Variants in FN3KRP observed in about 807,000 individuals in gnomAD.
FN3KRP encodes fructosamine 3 kinase related protein.
In FN3KRP, 33 loss-of-function variants were observed where a neutral mutation model predicts 29.8. The observed-to-expected ratio is 1.11, with a 90% confidence interval of 0.84 to 1.48. The LOEUF (loss-of-function observed/expected upper bound fraction) is 1.48. FN3KRP is among the 40% of genes most tolerant of loss of function. The probability of loss-of-function intolerance (pLI) is 0.00; values close to 1 mark genes in which losing one functional copy is unlikely to be tolerated. For missense variants in FN3KRP, 430 were observed against 402.6 expected (o/e 1.07, Z -0.58); for synonymous variants, 157 against 155.2 (o/e 1.01, Z -0.09).
Position 82,719,134 on chromosome 17 carries a change from G to A in FN3KRP, c.293+77G>A, listed in dbSNP as rs1017290662. 15 of 1,299,432 alleles carry A rather than the reference G, an allele frequency of 1.2e-5. No homozygotes were observed. In the South Asian group the frequency reaches 1.7e-4, roughly 15 times the overall value. The allele number at this position is 1,299,432 out of a possible 1,614,324, so 80.5% of individuals were successfully genotyped here. On this transcript the variant is annotated intron_variant, in intron 2 of 5. Transcript: ENST00000269373. ...CTTCACACCTTGTTTTATTATGTGT[G>A]TCTTCACACCACCCACTGGCTGGCT...
In FN3KRP at chr17:82,727,002, G is replaced by C. The variant is rs751950406; in HGVS notation, c.761G>C (p.Gly254Ala). Residue 254 changes from glycine to alanine, a missense_variant, in exon 6 of 6, where the codon GGC becomes GCC. Physicochemically the swap from Gly to Ala is moderately conservative, Grantham distance 60. Transcript: ENST00000269373. ...YELAIAGMFG[G>A]FSSSFYSAYH... ...CTGGCAATAGCTGGCATGTTTGGGGGCTTTAGCAGCTCCTTTTACTCCGCC... is the reference window on the plus strand; with the variant it reads ...CTGGCAATAGCTGGCATGTTTGGGGCCTTTAGCAGCTCCTTTTACTCCGCC... The C allele has an allele frequency of 9.3e-6, 15 of 1,614,152 alleles. No homozygotes were observed. Among genetic ancestry groups the C allele is most frequent in the Non-Finnish European group, 1.3e-5 (15 of 1,180,034 alleles).
intron 1 of FN3KRP, 124 bp from the exon 2 acceptor site, chr17:82,718,782 G>A: frequency 7.8e-7 from 1 of 1,286,232 alleles, no homozygotes; most frequent in South Asian, 1.4e-5. Flanking sequence ...CCATGTGTAT[G>A]GAATCCTCAG....
intron 4 of FN3KRP, among the ~76,000 whole-genome samples, chr17:82,724,817 T>A (rs996425763): frequency 1.4e-4 from 21 of 149,956 alleles, no homozygotes; most frequent in African/African-American, 3.9e-4. Flanking sequence ...AAAAAAAAAA[T>A]TTTTTTTTTG....
intron 2 of FN3KRP, among the ~76,000 whole-genome samples, 199 bp downstream of exon 2, chr17:82,719,256 C>T (rs1422891701): frequency 1.3e-5 from 2 of 152,218 alleles, no homozygotes; most frequent in Non-Finnish European, 2.9e-5. Context: ...GCAGGTGCAC[C>T]CTCACACCAG....
intron 2 of FN3KRP, 109 bp downstream of exon 2, chr17:82,719,166 T>G: frequency 9.3e-7 from 1 of 1,072,486 alleles, no homozygotes; most frequent in Non-Finnish European, 1.4e-6. Flanking sequence ...GGCTTTATTA[T>G]CTGAGCAGGT....
At chr17:82,724,132 A>G (rs889250113) in intron 4 of FN3KRP, among the ~76,000 whole-genome samples, 9 of 151,184 alleles carry the variant, frequency 6.0e-5, no homozygotes, top group African/African-American at 2.2e-4. Flanking sequence ...CTCTCTAGTA[A>G]AAATACAAAA....
rs755273992 is a variant in FN3KRP at position 82,718,933 on chromosome 17, G to C, written c.169G>C (p.Ala57Pro). 1 of 1,614,080 alleles carries C rather than the reference G, an allele frequency of 6.2e-7. No individual in the cohort carries two copies. Among genetic ancestry groups the C allele is most frequent in the South Asian group, 1.1e-5 (1 of 91,078 alleles). ...EARRMFEGEM[A>P]SLTAILKTNT... is the part of the protein sequence containing the mutation. ...CAGAAGAATGTTTGAAGGTGAGATG[G>C]CAAGTTTAACTGCCATCCTGAAAAC... Residue 57 changes from alanine (A) to proline (P), a missense_variant, in exon 2 of 6, where the codon GCA (alanine) becomes CCA (proline). By Grantham distance (27) the Ala-to-Pro change is conservative (BLOSUM62 -1). Transcript: ENST00000269373.
intron 1 of FN3KRP, among the ~76,000 whole-genome samples, 180 bp downstream of exon 1, chr17:82,717,076 C>T (rs1049960158): frequency 6.6e-6 from 1 of 152,116 alleles, no homozygotes; most frequent in African/African-American, 2.4e-5. Flanking sequence ...ACGGGGGCGG[C>T]GGAAGCGTCC....
chr17:82,724,371 C>T (rs923764430), intron 4 of FN3KRP, among the ~76,000 whole-genome samples: 2 of 151,764 alleles, frequency 1.3e-5, no homozygotes. Flanking sequence ...TTTGGGAGGC[C>T]GAGGCGGGCA....
chr17:82,726,672 A>G (rs893127334), intron 5 of FN3KRP, 70 bp downstream of exon 5: 35 of 1,552,896 alleles, frequency 2.3e-5, no homozygotes, highest in Non-Finnish European at 3.0e-5. Context: ...GGGAGGCACC[A>G]AGGCAGGTGA....
rs146131242 is a variant in FN3KRP, at chr17:82,722,856, C to T, written c.438C>T (p.Asp146=). The change falls in exon 4 of 6, where the codon GAC becomes GAT. Residue 146 remains aspartate, a synonymous_variant. Transcript: ENST00000269373. ...CCTTTGTGGCCCGGTTTGGATTTGA[C>T]GTGGTGACGTGCTGTGGATACCTCC... ...ERPFVARFGF[D]VVTCCGYLPQ... 4.9e-4 allele frequency: 797 copies of T among 1,614,046 alleles called. No individual in the cohort carries two copies. The highest frequency in any genetic ancestry group is 6.4e-4 in the Non-Finnish European group (756 of 1,180,022).
intron 3 of FN3KRP, 84 bp from the exon 4 acceptor site, chr17:82,722,720 T>C: frequency 7.4e-7 from 1 of 1,347,660 alleles, no homozygotes; most frequent in Non-Finnish European, 1.1e-6. Context: ...CTCGCTGAGG[T>C]CGTGTCTGAA....
chr17:82,719,796 TG>T (rs1453579037), intron 2 of FN3KRP, among the ~76,000 whole-genome samples: 1 of 151,824 alleles, frequency 6.6e-6, no homozygotes, highest in Non-Finnish European at 1.5e-5. Flanking sequence ...TGGATGAGGC[TG>T]GGAAAGATCG....
At chr17:82,723,660 TGTGC>T (rs2046817090) in intron 4 of FN3KRP, among the ~76,000 whole-genome samples, 1 of 151,282 alleles carries the variant, frequency 6.6e-6, no homozygotes, top group Admixed American at 6.6e-5. Context: ...TGTGTACGCG[TGTGC>T]GCGCACATGT....
chr17:82,722,326 G>C (rs772284391), intron 3 of FN3KRP, among the ~76,000 whole-genome samples: 1 of 152,078 alleles, frequency 6.6e-6, no homozygotes, highest in Non-Finnish European at 1.5e-5. Context: ...GTAGAGACAG[G>C]GTTTCACCAC....
chr17:82,723,152 A>G (rs1381161204), intron 4 of FN3KRP, among the ~76,000 whole-genome samples: 1 of 112,470 alleles, frequency 8.9e-6, no homozygotes, highest in Non-Finnish European at 1.9e-5. Flanking sequence ...TTTTAGGTAT[A>G]CTAAACTCTC....
intron 5 of FN3KRP, 109 bp downstream of exon 5, chr17:82,726,711 G>A: frequency 6.6e-7 from 1 of 1,513,574 alleles, no homozygotes; most frequent in Non-Finnish European, 8.9e-7. Flanking sequence ...TTCTGGGTGG[G>A]AAGCGGGTGC....
At chr17:82,722,061 C>T (rs536450605) in intron 3 of FN3KRP, among the ~76,000 whole-genome samples, 12 of 150,948 alleles carry the variant, frequency 7.9e-5, no homozygotes, top group African/African-American at 1.5e-4. Flanking sequence ...CTCAAATTCC[C>T]GACCTCAGGT....
intron 2 of FN3KRP, 32 bp from the exon 3 acceptor site, chr17:82,720,237 GTCA>G (rs1490322658): frequency 6.4e-7 from 1 of 1,568,460 alleles, no homozygotes. Flanking sequence ...CATTCTGTGT[GTCA>G]TCTGTTTAGT....
Sources: gnomAD v4.1 joint callset for allele counts (sites outside exome capture counted in the v4.1 genomes callset) on GRCh38, gnomAD v4.1.1 for gene constraint, MANE v1.5 for transcripts, NCBI Gene and HGNC (gene_info 2026-07-23, HGNC 2026-07-21) for gene names.